Variants in EHMT1 observed in about 807,000 individuals in gnomAD.
EHMT1 encodes euchromatic histone lysine methyltransferase 1, also known as histone-lysine N-methyltransferase EHMT1.
Under a neutral mutation model 147.2 loss-of-function variants are expected in EHMT1, and 15 were observed. The observed-to-expected ratio is 0.10, with a 90% confidence interval of 0.07 to 0.16. EHMT1 has a LOEUF of 0.16. Among genes scored for constraint, EHMT1 ranks in the 10% least tolerant of loss-of-function variants. EHMT1 has a pLI of 1.00. For missense variants in EHMT1, 1,587 were observed against 1,772.4 expected, an observed-to-expected ratio of 0.90 and a Z score of 1.88; for synonymous variants, 795 against 709.6, an observed-to-expected ratio of 1.12 and a Z score of -1.91.
At position 137,776,726 on chromosome 9, in the gene EHMT1, A is replaced by G. The variant is rs1264247220; in HGVS notation, c.1900A>G (p.Ser634Gly). 1 of 1,613,756 alleles carries G rather than the reference A, an allele frequency of 6.2e-7. No individual in the cohort carries two copies. Among genetic ancestry groups the G allele is most frequent in the Non-Finnish European group, 8.5e-7 (1 of 1,179,950 alleles). Reference sequence around the variant, plus strand: ...CTATTGTCCCCACTGTGGGGAGGAGAGCTCCAAGGCCAAAGAGGTGACGAT... The same window carrying G: ...CTATTGTCCCCACTGTGGGGAGGAGGGCTCCAAGGCCAAAGAGGTGACGAT... ...ASYCPHCGEESSKAKEVTIAK... is the reference protein window; with the variant it reads ...ASYCPHCGEEGSKAKEVTIAK... The change falls in exon 12 of 27, where the codon AGC (serine) becomes GGC (glycine). Residue 634 changes from serine to glycine, a missense_variant. By Grantham distance (56) the Ser-to-Gly change is moderately conservative (BLOSUM62 0). Around this residue, in one of 7 missense-constraint regions of EHMT1, gnomAD observed 124 missense variants for 197.8 expected, o/e 0.63. Transcript: ENST00000460843. This position sits in a 1 kb window ranked among gnomAD's most constrained non-coding sequence, Gnocchi z 4.4.
chr9:137,781,467 G>A (rs1490751029), intron 14 of EHMT1, among the ~76,000 whole-genome samples: 1 of 152,188 alleles, frequency 6.6e-6, no homozygotes, highest in East Asian at 1.9e-4. Context: ...GCTGAGATGT[G>A]TGGTCATGAC....
intron 9 of EHMT1, among the ~76,000 whole-genome samples, chr9:137,761,539 C>CG (rs928959148): frequency 6.6e-6 from 1 of 152,196 alleles, no homozygotes; most frequent in African/African-American, 2.4e-5. Flanking sequence ...CTACAACCTC[C>CG]GACTCCCTGG....
intron 1 of EHMT1, among the ~76,000 whole-genome samples, chr9:137,655,055 A>G (rs1395711731): frequency 6.6e-6 from 1 of 151,672 alleles, no homozygotes; most frequent in Non-Finnish European, 1.5e-5. Flanking sequence ...CTGGAGTGCA[A>G]TGGCATGATC....
At chr9:137,671,050 G>A (rs1025284217) in intron 1 of EHMT1, among the ~76,000 whole-genome samples, 12 of 152,212 alleles carry the variant, frequency 7.9e-5, no homozygotes, top group African/African-American at 2.9e-4. Context: ...GCTGTCCCGG[G>A]CCGTGAGCTG....
chr9:137,694,749 G>C (rs974811876), intron 1 of EHMT1, among the ~76,000 whole-genome samples: 1 of 152,226 alleles, frequency 6.6e-6, no homozygotes, highest in African/African-American at 2.4e-5. Flanking sequence ...GGAGGCTGGC[G>C]AGCAGGTGAT....
intron 1 of EHMT1, among the ~76,000 whole-genome samples, chr9:137,692,485 C>A (rs566596946): frequency 6.6e-6 from 1 of 151,918 alleles, no homozygotes. Flanking sequence ...GGCCCGATCT[C>A]GAACTCCTGA....
intron 18 of EHMT1, among the ~76,000 whole-genome samples, chr9:137,801,864 C>G (rs1953520582): frequency 1.3e-5 from 2 of 152,176 alleles, no homozygotes; most frequent in Non-Finnish European, 2.9e-5. Flanking sequence ...AACTCCTGAC[C>G]TCAGGTGATC....
intron 1 of EHMT1, among the ~76,000 whole-genome samples, chr9:137,655,821 C>T (rs998771871): frequency 6.6e-6 from 1 of 152,180 alleles, no homozygotes; most frequent in East Asian, 1.9e-4. Flanking sequence ...ACAGTTTCTT[C>T]CTGAGCTACC....
At chr9:137,816,240 A>C (rs1048862833) in intron 23 of EHMT1, 178 bp downstream of exon 23, 1 of 671,038 alleles carries the variant, frequency 1.5e-6, no homozygotes, top group African/African-American at 1.8e-5. Flanking sequence ...CTTGTGCCAT[A>C]AATCACGAGT....
At position 137,782,992 on chromosome 9, in the gene EHMT1, T is replaced by G. The variant is rs1449356752; in HGVS notation, c.2382+595T>G. On this transcript the variant is annotated intron_variant, in intron 15 of 26. Coordinates refer to ENST00000460843, the MANE Select transcript of EHMT1 (RefSeq NM_024757.5). This position sits in a 1 kb window ranked among gnomAD's most constrained non-coding sequence, Gnocchi z 5.7. ...GGTGTTGGATCCCCTGTTTCTCAAG[T>G]GCCAGGTTTGAGTCTGGTGCAGTCT... 2.0e-5 allele frequency among the ~76,000 whole-genome samples: 3 copies of G among 152,200 alleles called. No homozygotes were observed. Among genetic ancestry groups the G allele is most frequent in the Non-Finnish European group, 4.4e-5 (3 of 68,020 alleles).
intron 1 of EHMT1, among the ~76,000 whole-genome samples, chr9:137,622,787 G>T (rs1342656829): frequency 6.6e-6 from 1 of 151,764 alleles, no homozygotes; most frequent in Non-Finnish European, 1.5e-5. Context: ...TGTGCCTGTA[G>T]TCCCAGCTAC....
At chr9:137,707,830 A>G (rs1295156207) in intron 1 of EHMT1, among the ~76,000 whole-genome samples, 1 of 152,188 alleles carries the variant, frequency 6.6e-6, no homozygotes, top group African/African-American at 2.4e-5. Flanking sequence ...AAATGCCTGT[A>G]GACCCCGGCA....
At position 137,752,332 on chromosome 9, in the gene EHMT1, T is replaced by C; in HGVS notation, c.1172T>C (p.Met391Thr). 1 of 1,614,186 alleles carries C rather than the reference T, an allele frequency of 6.2e-7. No homozygotes were observed. Among genetic ancestry groups the C allele is most frequent in the Non-Finnish European group, 8.5e-7 (1 of 1,180,024 alleles). ...SMSEADRAQK[M>T]DGESEEEQES... ...CGCTTCGACTGTGTGGCTGATCAGA[T>C]GGACGGGGAGTCCGAGGAGGAGCAG... is the stretch of plus-strand genomic sequence containing the variant. The change falls in exon 7 of 27, where the codon ATG (methionine) becomes ACG (threonine). Residue 391 changes from methionine to threonine, a missense_variant and splice_region_variant. Physicochemically the swap from Met to Thr is moderately conservative, Grantham distance 81. This residue lies in a region of EHMT1 where 810 missense variants were observed against 673.0 expected (regional missense o/e 1.20). Transcript: ENST00000460843.
chr9:137,742,289 TTGTGTGTGTGTGTGTGTGTGTG>T (rs56080406), intron 4 of EHMT1, among the ~76,000 whole-genome samples: 7 of 135,070 alleles, frequency 5.2e-5, no homozygotes, highest in East Asian at 4.4e-4. Flanking sequence ...AGAACCAAAT[TTGTGTGTGTGTGTGTGTGTGTG>T]TGTGTGTGTG....
intron 3 of EHMT1, among the ~76,000 whole-genome samples, chr9:137,727,908 T>C (rs1946771810): frequency 6.6e-6 from 1 of 152,268 alleles, no homozygotes; most frequent in African/African-American, 2.4e-5. Flanking sequence ...CATGGTAAAC[T>C]GGGAAAGCAG....
At chr9:137,660,389 T>C (rs1403173237) in intron 1 of EHMT1, among the ~76,000 whole-genome samples, 1 of 152,154 alleles carries the variant, frequency 6.6e-6, no homozygotes, top group African/African-American at 2.4e-5. Context: ...TTCCTAGCTT[T>C]AGGTATTGAG....
intron 22 of EHMT1, chr9:137,815,547 G>A (rs890335713): frequency 3.1e-6 from 1 of 325,818 alleles, no homozygotes; most frequent in African/African-American, 2.1e-5. Context: ...CTCCACAGTT[G>A]AGGATTTGCA....
chr9:137,630,434 G>T (rs749152349), intron 1 of EHMT1, among the ~76,000 whole-genome samples: 8 of 152,156 alleles, frequency 5.3e-5, no homozygotes, highest in Non-Finnish European at 7.4e-5. Flanking sequence ...TCCTTTAACA[G>T]CTTCTTGTCC....
chr9:137,660,150 C>A (rs1938929966), intron 1 of EHMT1, among the ~76,000 whole-genome samples: 1 of 151,874 alleles, frequency 6.6e-6, no homozygotes, highest in Non-Finnish European at 1.5e-5. Flanking sequence ...GCCTGGGCAA[C>A]AAAGTGAGAC....
Sources: gnomAD v4.1 joint callset for allele counts (sites outside exome capture counted in the v4.1 genomes callset) on GRCh38, gnomAD v4.1.1 for gene constraint, gnomAD v4.1.1 regional missense constraint, Gnocchi (gnomAD v3.1) non-coding constraint, MANE v1.5 for transcripts, NCBI Gene and HGNC (gene_info 2026-07-23, HGNC 2026-07-21) for gene names.